Variants in DISP3 observed in about 807,000 individuals in gnomAD.
DISP3 encodes dispatched RND transporter family member 3.
DISP3 carries 101 observed loss-of-function variants against 135.3 expected under a neutral mutation model. That is an observed-to-expected ratio of 0.75 (90% CI 0.64 to 0.88). The LOEUF is 0.88. Among genes scored for constraint, DISP3 ranks in the 40% least tolerant of loss-of-function variants. The probability of loss-of-function intolerance (pLI) is 0.00; values close to 1 mark genes in which losing one functional copy is unlikely to be tolerated. For synonymous variants in DISP3, 856 were observed against 817.0 expected, an observed-to-expected ratio of 1.05 and a Z score of -0.81; for missense variants, 1,713 against 1,878.6, an observed-to-expected ratio of 0.91 and a Z score of 1.63.
intron 5 of DISP3, 55 bp downstream of exon 5, chr1:11,515,558 A>G: frequency 6.4e-7 from 1 of 1,553,360 alleles, no homozygotes; most frequent in Non-Finnish European, 8.7e-7. Context: ...AGTCTGCCCC[A>G]TCCCCTTTCT....
At chr1:11,488,308 T>G (rs1641092429) in intron 1 of DISP3, among the ~76,000 whole-genome samples, 1 of 152,150 alleles carries the variant, frequency 6.6e-6, no homozygotes, top group Non-Finnish European at 1.5e-5. Flanking sequence ...GAGGGGGTGC[T>G]GAGGCTGAGA....
intron 19 of DISP3, 23 bp downstream of exon 19, chr1:11,535,147 G>C: frequency 6.4e-7 from 1 of 1,571,224 alleles, no homozygotes; most frequent in Non-Finnish European, 8.6e-7. Context: ...GGGGCTGGCA[G>C]GCACCCTGCT....
chr1:11,497,683 C>T (rs1055451920), intron 1 of DISP3, among the ~76,000 whole-genome samples: 1 of 152,218 alleles, frequency 6.6e-6, no homozygotes, highest in Non-Finnish European at 1.5e-5. Flanking sequence ...CCACCGCACC[C>T]GGCCCATTGT....
chr1:11,517,640 C>T (rs959590227), intron 7 of DISP3, 38 bp downstream of exon 7: 9 of 1,606,512 alleles, frequency 5.6e-6, no homozygotes, highest in Middle Eastern at 1.7e-4. Flanking sequence ...GCAGGGTATC[C>T]ACAACAGGCC....
chr1:11,494,267 GCAC>G (rs1463222590), intron 1 of DISP3, among the ~76,000 whole-genome samples: 1 of 152,234 alleles, frequency 6.6e-6, no homozygotes. Context: ...AGGAGTACTG[GCAC>G]GTGGTAGATG....
At chr1:11,534,917 C>T (rs376388882) in intron 18 of DISP3, 94 bp from the exon 19 acceptor site, 4 of 1,104,888 alleles carry the variant, frequency 3.6e-6, no homozygotes, top group South Asian at 2.7e-5. Flanking sequence ...GACTGGGAGT[C>T]GGAGTCTCAG....
chr1:11,493,185 G>A (rs907172167), intron 1 of DISP3, among the ~76,000 whole-genome samples: 28 of 152,208 alleles, frequency 1.8e-4, no homozygotes, highest in African/African-American at 6.8e-4. Context: ...GTTTGAGACT[G>A]AAGGCCTGAG....
At chr1:11,479,761 C>A (rs531576417) in intron 1 of DISP3, among the ~76,000 whole-genome samples, 6 of 152,368 alleles carry the variant, frequency 3.9e-5, no homozygotes, top group South Asian at 2.1e-4. Flanking sequence ...CTGAAGCCGC[C>A]CTTGGATCGG....
In DISP3 at chr1:11,516,077, C is replaced by T; in HGVS notation, c.1665C>T (p.Ile555=). The part of the protein sequence containing the change: ...THLEDPQLRM[I]HTVQTAGKAT... The stretch of plus-strand genomic sequence containing the variant: ...TGGAAGACCCACAGCTGCGCATGAT[C>T]CACACCGTCCAAACTGCAGGCAAGG... The change falls in exon 6 of 21, where the codon ATC becomes ATT. Residue 555 remains isoleucine (I), a synonymous_variant. Coordinates refer to ENST00000294484, the MANE Select transcript of DISP3 (RefSeq NM_020780.2). This position sits in a 1 kb window ranked among gnomAD's most constrained non-coding sequence, Gnocchi z 5.1. The T allele has an allele frequency of 6.2e-7, 1 of 1,614,184 alleles. No individual in the cohort carries two copies. Among genetic ancestry groups the T allele is most frequent in the Non-Finnish European group, 8.5e-7 (1 of 1,180,024 alleles).
Position 11,520,648 on chromosome 1 carries a change from G to A in DISP3, c.2201-39G>A. The A allele has an allele frequency of 6.3e-7, 1 of 1,598,190 alleles. No individual in the cohort carries two copies. Among genetic ancestry groups the A allele is most frequent in the Non-Finnish European group, 8.5e-7 (1 of 1,170,060 alleles). ...GAGCCCCACTGGGAACAGACCAGCT[G>A]GGCCCAGCCCCGCCTGGTGTAGCGC... On this transcript the variant is annotated intron_variant, in intron 9 of 20. Transcript: ENST00000294484. The surrounding 1 kb of genome is among the most constrained non-coding windows in gnomAD (Gnocchi z 4.8).
chr1:11,510,313 T>G (rs1376289553), intron 3 of DISP3, among the ~76,000 whole-genome samples: 1 of 152,174 alleles, frequency 6.6e-6, no homozygotes, highest in African/African-American at 2.4e-5. Flanking sequence ...TCTCCTTTGT[T>G]GGCTTTTATG....
intron 13 of DISP3, 97 bp downstream of exon 13, chr1:11,526,932 C>T: frequency 7.4e-7 from 1 of 1,355,472 alleles, no homozygotes; most frequent in Non-Finnish European, 9.8e-7. Context: ...GGGATGCCAG[C>T]AGGCCCCCTC....
At chr1:11,508,482 C>G (rs1478260703) in intron 3 of DISP3, among the ~76,000 whole-genome samples, 1 of 151,370 alleles carries the variant, frequency 6.6e-6, no homozygotes, top group Non-Finnish European at 1.5e-5. Flanking sequence ...TCCCTATTAT[C>G]TTTTTAATGT....
chr1:11,530,763 G>A, intron 15 of DISP3, 144 bp from the exon 16 acceptor site: 2 of 1,107,444 alleles, frequency 1.8e-6, no homozygotes, highest in Non-Finnish European at 2.6e-6. Context: ...GGAGCAGTGG[G>A]TGAGCAGTTG....
chr1:11,529,464 C>T lies in DISP3; in HGVS notation c.2799-92C>T. ...CCCGAGTCCAGACCCCATGACACCC[C>T]AGCCCCAGTCCCAACCCTGGCCTGC... is the stretch of plus-strand genomic sequence containing the variant. On this transcript the variant is annotated intron_variant, in intron 13 of 20. Coordinates refer to ENST00000294484, the MANE Select transcript of DISP3 (RefSeq NM_020780.2). This position sits in a 1 kb window ranked among gnomAD's most constrained non-coding sequence, Gnocchi z 4.7. The T allele has an allele frequency of 1.4e-6, 2 of 1,431,662 alleles. No individual in the cohort carries two copies. The highest frequency in any genetic ancestry group is 2.3e-5 in the Admixed American group (1 of 43,856). The allele number at this position is 1,431,662 out of a possible 1,614,324, so 88.7% of individuals were successfully genotyped here. A position where few individuals can be genotyped will look rare whatever the true frequency, so the allele number is the denominator to read the frequency against.
At chr1:11,500,847 T>A in intron 1 of DISP3, 143 bp from the exon 2 acceptor site, 2 of 877,640 alleles carry the variant, frequency 2.3e-6, no homozygotes, top group Middle Eastern at 3.4e-4. Flanking sequence ...GTTGTGTTGA[T>A]GCATGCTTGA....
chr1:11,518,650 A>G (rs1380920008), intron 7 of DISP3, among the ~76,000 whole-genome samples: 3 of 152,196 alleles, frequency 2.0e-5, no homozygotes. Flanking sequence ...GTGGGCTTCA[A>G]GCCCAGCCTC....
In DISP3 at chr1:11,536,888, C is replaced by A; in HGVS notation, c.*202C>A. On this transcript the variant is annotated 3_prime_UTR_variant, in exon 21 of 21. Transcript: ENST00000294484. This position sits in a 1 kb window ranked among gnomAD's most constrained non-coding sequence, Gnocchi z 4.3. ...GGAGTTGGAGACAGCCGCCACCCCA[C>A]AGGCCGGGCTACTGGCAGCCACACT... 1 of 728,446 alleles carries A rather than the reference C, an allele frequency of 1.4e-6. No individual in the cohort carries two copies. Among genetic ancestry groups the A allele is most frequent in the Non-Finnish European group, 2.1e-6 (1 of 466,802 alleles). The allele number at this position is 728,446 out of a possible 1,614,324, so 45.1% of individuals were successfully genotyped here.
At chr1:11,480,053 C>A (rs1008474222) in intron 1 of DISP3, among the ~76,000 whole-genome samples, 1 of 152,164 alleles carries the variant, frequency 6.6e-6, no homozygotes, top group Non-Finnish European at 1.5e-5. Context: ...AGATTCCCAG[C>A]GCAAGGGGCG....
Sources: gnomAD v4.1 joint callset for allele counts (sites outside exome capture counted in the v4.1 genomes callset) on GRCh38, gnomAD v4.1.1 for gene constraint, Gnocchi (gnomAD v3.1) non-coding constraint, MANE v1.5 for transcripts, NCBI Gene and HGNC (gene_info 2026-07-23, HGNC 2026-07-21) for gene names.